PRPF40B: variants seen among roughly 807,000 people sequenced by gnomAD.
PRPF40B encodes the protein pre-mRNA-processing factor 40 homolog B.
In PRPF40B, 56 loss-of-function variants were observed where a neutral mutation model predicts 124.5. The ratio of observed to expected loss-of-function variants is 0.45; its 90% CI spans 0.36 to 0.56. The LOEUF is 0.56. Among genes scored for constraint, PRPF40B ranks in the 20% least tolerant of loss-of-function variants. The probability of loss-of-function intolerance (pLI) is 0.00; values close to 1 mark genes in which losing one functional copy is unlikely to be tolerated. For missense variants in PRPF40B, 1,053 were observed against 1,169.5 expected (o/e 0.90, Z 1.45); for synonymous variants, 443 against 426.4 (o/e 1.04, Z -0.48).
chr12:49,635,813 C>A lies in PRPF40B; in HGVS notation c.1276-30C>A. On this transcript the variant is annotated intron_variant, in intron 14 of 25. Coordinates refer to ENST00000548825, the MANE Select transcript of PRPF40B (RefSeq NM_001031698.3). This position sits in a 1 kb window ranked among gnomAD's most constrained non-coding sequence, Gnocchi z 4.1. The stretch of plus-strand genomic sequence containing the variant: ...CCTACTTGGGTAGCTCTGGCCTGCC[C>A]TGCCTCACCCTGATCCTGTGGCTCC... 1 of 1,611,386 alleles carries A rather than the reference C, an allele frequency of 6.2e-7. No homozygotes were observed.
chr12:49,632,557 G>C lies in PRPF40B; in HGVS notation c.295-39G>C. 2.5e-6 allele frequency: 4 copies of C among 1,609,892 alleles called. No homozygotes were observed. The South Asian group carries it at 3.3e-5, about 13-fold the overall frequency. ...TGGCCTGGGTCCTGGGGGCCACTGG[G>C]CTTGGCCCCAACCCTTCCCCCTCCT... On this transcript the variant is annotated intron_variant, in intron 4 of 25. Coordinates refer to ENST00000548825, the MANE Select transcript of PRPF40B (RefSeq NM_001031698.3).
Position 49,642,763 on chromosome 12 carries a change from C to G in PRPF40B, c.2118+88C>G. On this transcript the variant is annotated intron_variant, in intron 21 of 25. Transcript: ENST00000548825. This position sits in a 1 kb window ranked among gnomAD's most constrained non-coding sequence, Gnocchi z 5.8. ...GAGACCTCAGTGGCCTCCCTCTTAC[C>G]CTTAGGGCACTCCTGGCCAGCTAAG... 1 of 1,466,338 alleles carries G rather than the reference C, an allele frequency of 6.8e-7. No individual in the cohort carries two copies. 90.8% of individuals were successfully genotyped at this position (1,466,338 alleles called of 1,614,324 possible). A position where few individuals can be genotyped will look rare whatever the true frequency, so the allele number is the denominator to read the frequency against.
At chr12:49,629,150 A>C (rs1353946998) in intron 1 of PRPF40B, among the ~76,000 whole-genome samples, 1 of 152,228 alleles carries the variant, frequency 6.6e-6, no homozygotes, top group African/African-American at 2.4e-5. Context: ...CCATACAGGG[A>C]AAAGTCTCCC....
intron 1 of PRPF40B, among the ~76,000 whole-genome samples, chr12:49,625,299 G>A (rs1940607621): frequency 6.6e-6 from 1 of 152,192 alleles, no homozygotes; most frequent in Admixed American, 6.5e-5. Context: ...CAGACTGCTT[G>A]GATTCCAAAC....
intron 18 of PRPF40B, chr12:49,640,140 AC>A (rs1268260763): frequency 6.6e-6 from 1 of 152,264 alleles, no homozygotes; most frequent in Admixed American, 6.5e-5. Flanking sequence ...AGCCAGGCAG[AC>A]CATGATGGTG....
chr12:49,636,506 T>G (rs917807632), intron 15 of PRPF40B: 3 of 555,278 alleles, frequency 5.4e-6, no homozygotes, highest in Non-Finnish European at 9.4e-6. Flanking sequence ...AGCTGAATAC[T>G]TGCTTATTTA....
intron 1 of PRPF40B, among the ~76,000 whole-genome samples, chr12:49,629,134 C>T (rs1439951186): frequency 1.3e-5 from 2 of 152,172 alleles, no homozygotes; most frequent in Non-Finnish European, 2.9e-5. Flanking sequence ...TCAAAAGATA[C>T]AAAAGCCATA....
chr12:49,635,589 ACTTG>A lies in PRPF40B; in HGVS notation c.1275+117_1275+120del. ...TACTTCCCCAGTGTCCCAGCTTCTG[ACTTG>A]GAAGCTGGTATGGGACTTGCACATC... On this transcript the variant is annotated intron_variant, in intron 14 of 25. Coordinates refer to ENST00000548825, the MANE Select transcript of PRPF40B (RefSeq NM_001031698.3). This position sits in a 1 kb window ranked among gnomAD's most constrained non-coding sequence, Gnocchi z 4.1. The A allele has an allele frequency of 1.8e-6, 2 of 1,087,490 alleles. No homozygotes were observed. Among genetic ancestry groups the A allele is most frequent in the Non-Finnish European group, 2.6e-6 (2 of 756,578 alleles). 67.4% of individuals were successfully genotyped at this position (1,087,490 alleles called of 1,614,324 possible).
chr12:49,635,694 A>C lies in PRPF40B; in HGVS notation c.1276-149A>C. ...TCTGAGAGATGGGTCTGTAACCTGT[A>C]CTCCCTCCCCTTCCCTGAGACATGA... On this transcript the variant is annotated intron_variant, in intron 14 of 25. Coordinates refer to ENST00000548825, the MANE Select transcript of PRPF40B (RefSeq NM_001031698.3). The surrounding 1 kb of genome is among the most constrained non-coding windows in gnomAD (Gnocchi z 4.1). The C allele has an allele frequency of 1.0e-6, 1 of 979,038 alleles. No individual in the cohort carries two copies. The highest frequency in any genetic ancestry group is 1.5e-6 in the Non-Finnish European group (1 of 666,482). 60.6% of individuals were successfully genotyped at this position (979,038 alleles called of 1,614,324 possible).
At chr12:49,643,582 C>T (rs1942954993) in intron 23 of PRPF40B, 109 bp from the exon 24 acceptor site, 1 of 1,398,052 alleles carries the variant, frequency 7.2e-7, no homozygotes, top group East Asian at 2.4e-5. Context: ...CTTAGACTTC[C>T]TCAGAGCATG....
At chr12:49,623,535 G>A, upstream of PRPF40B, 1 of 1,245,198 alleles carries the variant, frequency 8.0e-7, no homozygotes, top group Non-Finnish European at 1.0e-6. Context: ...TGGCCAATCA[G>A]AGCGGCTCTT....
At position 49,633,447 on chromosome 12, in the gene PRPF40B, C is replaced by T. The variant is rs749917262; in HGVS notation, c.480C>T (p.Pro160=). 2 of 1,614,174 alleles carry T rather than the reference C, an allele frequency of 1.2e-6. No individual in the cohort carries two copies. The highest frequency in any genetic ancestry group is 2.2e-5 in the South Asian group (2 of 91,078). The stretch of plus-strand genomic sequence containing the variant: ...TGCAGCTGCTCCTGTCCCAATGTCC[C>T]TGGAAAGAGTACAAGTCGGACACAG... ...SKAELLLSQC[P]WKEYKSDTGK... Residue 160 remains proline, a synonymous_variant, in exon 8 of 26, where the codon CCC becomes CCT. Coordinates refer to ENST00000548825, the MANE Select transcript of PRPF40B (RefSeq NM_001031698.3).
In PRPF40B at chr12:49,642,606, A is replaced by G. The variant is rs1942824083; in HGVS notation, c.2049A>G (p.Ser683=). The change falls in exon 21 of 26, where the codon TCA becomes TCG. Residue 683 remains serine (S), a synonymous_variant. Coordinates refer to ENST00000548825, the MANE Select transcript of PRPF40B (RefSeq NM_001031698.3). The surrounding 1 kb of genome is among the most constrained non-coding windows in gnomAD (Gnocchi z 5.8). ...TCCGTGAGCGTTTTGTGTGTGACTC[A>G]GCCTTTGAGCAGATCACCCTGGAGT... The part of the protein sequence containing the change: ...EEVRERFVCD[S]AFEQITLESE... 1 of 1,614,112 alleles carries G rather than the reference A, an allele frequency of 6.2e-7. No homozygotes were observed. Among genetic ancestry groups the G allele is most frequent in the African/African-American group, 1.3e-5 (1 of 74,942 alleles).
At chr12:49,641,493 C>G (rs1942642739) in intron 18 of PRPF40B, 1 of 179,940 alleles carries the variant, frequency 5.6e-6, no homozygotes, top group East Asian at 1.5e-4. Context: ...AAACACTCAT[C>G]ATGGTACCTG....
chr12:49,632,775 C>A, intron 5 of PRPF40B, 80 bp from the exon 6 acceptor site: 1 of 1,605,140 alleles, frequency 6.2e-7, no homozygotes, highest in Non-Finnish European at 8.5e-7. Flanking sequence ...TTTACTGGGG[C>A]TGGAATACGG....
intron 7 of PRPF40B, 63 bp downstream of exon 7, chr12:49,633,187 T>C: frequency 1.4e-6 from 2 of 1,422,408 alleles, no homozygotes; most frequent in African/African-American, 2.8e-5. Flanking sequence ...GTCCTTGGCC[T>C]TCCCTTAGTC....
chr12:49,627,434 C>T (rs1940820891), intron 1 of PRPF40B, among the ~76,000 whole-genome samples: 1 of 152,114 alleles, frequency 6.6e-6, no homozygotes, highest in Non-Finnish European at 1.5e-5. Flanking sequence ...TTGGGAAAAG[C>T]TTTCGTGAAG....
At chr12:49,630,191 C>T (rs564184233) in intron 1 of PRPF40B, among the ~76,000 whole-genome samples, 67 of 152,388 alleles carry the variant, frequency 4.4e-4, no homozygotes, top group African/African-American at 1.6e-3. Flanking sequence ...GAGAGAGGCA[C>T]AGCCTTGCCC....
chr12:49,636,790 C>T lies in PRPF40B; in HGVS notation c.1501C>T (p.Arg501Trp), dbSNP rs374081725. 3.0e-5 allele frequency: 49 copies of T among 1,614,062 alleles called. 1 individual carries two copies. In the South Asian group the frequency reaches 3.4e-4, roughly 11 times the overall value. ...RALEREEEEE[R>W]ERARLRERRQ... ...TTTGGAGAGGGAAGAGGAGGAGGAACGGGAGCGGGCCCGGCTTCGGGAGCG... is the reference window on the plus strand; with the variant it reads ...TTTGGAGAGGGAAGAGGAGGAGGAATGGGAGCGGGCCCGGCTTCGGGAGCG... Residue 501 changes from arginine (R) to tryptophan (W), a missense_variant, in exon 16 of 26, where the codon CGG (arginine) becomes TGG (tryptophan). Coordinates refer to ENST00000548825, the MANE Select transcript of PRPF40B (RefSeq NM_001031698.3).
Sources: allele counts gnomAD v4.1 joint callset (sites outside exome capture counted in the v4.1 genomes callset), GRCh38; gene constraint gnomAD v4.1.1; non-coding constraint Gnocchi (gnomAD v3.1); transcripts MANE v1.5; gene names NCBI Gene and HGNC (gene_info 2026-07-23, HGNC 2026-07-21).